COA3: variants seen among roughly 807,000 people sequenced by gnomAD.
The protein encoded by COA3 is cytochrome c oxidase assembly factor 3.
COA3 carries 10 observed loss-of-function variants against 10.1 expected under a neutral mutation model. The observed-to-expected ratio is 0.99, with a 90% CI of 0.61 to 1.67. COA3 has a LOEUF of 1.67. COA3 is among the 40% of genes most tolerant of loss of function. The pLI, the probability that COA3 is intolerant of heterozygous loss-of-function variation, is 0.00. For missense variants in COA3, 142 were observed against 140.7 expected, an observed-to-expected ratio of 1.01 and a Z score of -0.05; for synonymous variants, 57 against 63.1, an observed-to-expected ratio of 0.90 and a Z score of 0.46.
At chr17:42,798,380 A>C in intron 1 of COA3, 88 bp downstream of exon 1, 3 of 1,359,988 alleles carry the variant, frequency 2.2e-6, no homozygotes, top group Non-Finnish European at 3.1e-6. Context: ...TTTTACCCCA[A>C]AATTAAACGG....
rs746744450 is a variant in COA3 at position 42,798,582 on chromosome 17, G to T, written c.100C>A (p.Gln34Lys). The change falls in exon 1 of 2, where the codon CAA becomes AAA. Residue 34 changes from glutamine (Q) to lysine (K), a missense_variant. Transcript: ENST00000328434. ...DPTREKLTPEQLHSMRQAELA... is the reference protein window; with the variant it reads ...DPTREKLTPEKLHSMRQAELA... ...TCCGCCTGCCGCATGGAATGCAGTT[G>T]CTCGGGTGTCAGCTTCTCCCGAGTC... 9 of 1,614,174 alleles carry T rather than the reference G, an allele frequency of 5.6e-6. No homozygotes were observed. Among genetic ancestry groups the T allele is most frequent in the Admixed American group, 3.3e-5 (2 of 60,032 alleles).
Position 42,798,610 on chromosome 17 carries a change from G to A in COA3, c.72C>T (p.Asp24=). The A allele has an allele frequency of 1.9e-6, 3 of 1,614,186 alleles. No homozygotes were observed. The highest frequency in any genetic ancestry group is 2.5e-6 in the Non-Finnish European group (3 of 1,180,042). The change falls in exon 1 of 2, where the codon GAC becomes GAT. Residue 24 remains aspartate, a synonymous_variant. Transcript: ENST00000328434. ...CGGGTGTCAGCTTCTCCCGAGTCGG[G>A]TCGATACGCTGAGCGAACGGGGCCT... The part of the protein sequence containing the change: ...RGEAPFAQRI[D]PTREKLTPEQ...
rs2054713040 is a variant in COA3, at chr17:42,798,522, G to T, written c.160C>A (p.Arg54=). 1 of 1,613,920 alleles carries T rather than the reference G, an allele frequency of 6.2e-7. No individual in the cohort carries two copies. Among genetic ancestry groups the T allele is most frequent in the East Asian group, 2.2e-5 (1 of 44,890 alleles). The stretch of plus-strand genomic sequence containing the variant: ...AGGCCGGTCACGATGTTCCGGGTTC[G>T]CCGCCGTGGTAGGACCTTCTGCCAC... The part of the protein sequence containing the change: ...AQWQKVLPRR[R]TRNIVTGLGI... Residue 54 remains arginine, a synonymous_variant, in exon 1 of 2, where the codon CGA becomes AGA. Transcript: ENST00000328434.
chr17:42,798,336 G>A (rs2054709677), intron 1 of COA3, 132 bp downstream of exon 1: 1 of 1,003,522 alleles, frequency 1.0e-6, no homozygotes, highest in South Asian at 1.5e-5. Context: ...AATTAAAAGA[G>A]TACCTTAGGA....
Position 42,798,619 on chromosome 17 carries a change from C to G in COA3, c.63G>C (p.Gln21His), listed in dbSNP as rs1467681718. 6 of 1,614,078 alleles carry G rather than the reference C, an allele frequency of 3.7e-6. No individual in the cohort carries two copies. The highest frequency in any genetic ancestry group is 5.1e-6 in the Non-Finnish European group (6 of 1,180,046). Residue 21 changes from glutamine to histidine, a missense_variant, in exon 1 of 2, where the codon CAG becomes CAC. Physicochemically the swap from Gln to His is conservative, Grantham distance 24 (BLOSUM62 0). Transcript: ENST00000328434. ...GCTTCTCCCGAGTCGGGTCGATACG[C>G]TGAGCGAACGGGGCCTCTCCACGCT... ...DSKRGEAPFA[Q>H]RIDPTREKLT...
At position 42,798,576 on chromosome 17, in the gene COA3, G is replaced by A. The variant is rs1430044397; in HGVS notation, c.106C>T (p.His36Tyr). 6.2e-7 allele frequency: 1 copy of A among 1,614,188 alleles called. No homozygotes were observed. Among genetic ancestry groups the A allele is most frequent in the South Asian group, 1.1e-5 (1 of 91,086 alleles). Reference protein sequence around the residue: ...TREKLTPEQLHSMRQAELAQW... With the variant: ...TREKLTPEQLYSMRQAELAQW... Reference sequence around the variant, plus strand: ...GCAAGCTCCGCCTGCCGCATGGAATGCAGTTGCTCGGGTGTCAGCTTCTCC... The same window carrying A: ...GCAAGCTCCGCCTGCCGCATGGAATACAGTTGCTCGGGTGTCAGCTTCTCC... The change falls in exon 1 of 2, where the codon CAT becomes TAT. Residue 36 changes from histidine to tyrosine, a missense_variant. Physicochemically the swap from His to Tyr is moderately conservative, Grantham distance 83. Coordinates refer to ENST00000328434, the MANE Select transcript of COA3 (RefSeq NM_001040431.3).
chr17:42,798,207 A>G lies in COA3; in HGVS notation c.215-40T>C, dbSNP rs774136755. The G allele has an allele frequency of 1.1e-5, 15 of 1,387,830 alleles. No individual in the cohort carries two copies. The East Asian group carries it at 2.3e-4, about 21-fold the overall frequency. The allele number at this position is 1,387,830 out of a possible 1,614,324, so 86.0% of individuals were successfully genotyped here. A position where few individuals can be genotyped will look rare whatever the true frequency, so the allele number is the denominator to read the frequency against. On this transcript the variant is annotated intron_variant, in intron 1 of 1. Coordinates refer to ENST00000328434, the MANE Select transcript of COA3 (RefSeq NM_001040431.3). ...TCAGGAAACCACACAGAATATGCAC[A>G]TTCCCCTTTCCTAGATTTGCTCTAC...
chr17:42,798,069 C>T lies in COA3; in HGVS notation c.313G>A (p.Gly105Arg). 6.2e-7 allele frequency: 1 copy of T among 1,613,828 alleles called. No homozygotes were observed. Among genetic ancestry groups the T allele is most frequent in the Non-Finnish European group, 8.5e-7 (1 of 1,179,754 alleles). Residue 105 changes from glycine to arginine, a missense_variant, in exon 2 of 2, where the codon GGG becomes AGG. Physicochemically the swap from Gly to Arg is moderately radical, Grantham distance 125. Transcript: ENST00000328434. The stretch of plus-strand genomic sequence containing the variant: ...ATCAATACCCATCCAGATTAGGACC[C>T]TGACGCCCTTGCCAGAGCTCGGGCT... ...ARARALARASGS is the reference protein window; with the variant it reads ...ARARALARASRS
Position 42,797,891 on chromosome 17 carries a change from G to T in COA3, c.*170C>A. On this transcript the variant is annotated 3_prime_UTR_variant, in exon 2 of 2. Transcript: ENST00000328434. ...GCAGTGGGCAAAGTTCTGTTCTTTT[G>T]ACATTGGCCAAATGCGTAAGTCCCT... The T allele has an allele frequency of 1.7e-6, 1 of 573,386 alleles. No homozygotes were observed. The allele number at this position is 573,386 out of a possible 1,614,324, so 35.5% of individuals were successfully genotyped here. A position where few individuals can be genotyped will look rare whatever the true frequency, so the allele number is the denominator to read the frequency against.
Position 42,798,559 on chromosome 17 carries a change from C to A in COA3, c.123G>T (p.Ala41=). The A allele has an allele frequency of 6.2e-7, 1 of 1,613,996 alleles. No homozygotes were observed. ...TPEQLHSMRQ[A]ELAQWQKVLP... ...GGACCTTCTGCCACTGGGCAAGCTC[C>A]GCCTGCCGCATGGAATGCAGTTGCT... is the stretch of plus-strand genomic sequence containing the variant. The change falls in exon 1 of 2, where the codon GCG becomes GCT. Residue 41 remains alanine, a synonymous_variant. Coordinates refer to ENST00000328434, the MANE Select transcript of COA3 (RefSeq NM_001040431.3).
Position 42,798,321 on chromosome 17 carries a change from A to C in COA3, c.214+147T>G, listed in dbSNP as rs934807547. ...AACCCCAATTCCGTTATTATTAATA[A>C]ATCAAATTAAAAGAGTACCTTAGGA... is the stretch of plus-strand genomic sequence containing the variant. On this transcript the variant is annotated intron_variant, in intron 1 of 1. Coordinates refer to ENST00000328434, the MANE Select transcript of COA3 (RefSeq NM_001040431.3). The C allele has an allele frequency of 7.3e-6, 7 of 959,380 alleles. No individual in the cohort carries two copies. In the African/African-American group the frequency reaches 1.2e-4, roughly 16 times the overall value. The allele number at this position is 959,380 out of a possible 1,614,324, so 59.4% of individuals were successfully genotyped here.
At position 42,798,691 on chromosome 17, in the gene COA3, C is replaced by T. The variant is rs547475693; in HGVS notation, c.-10G>A. 2 of 1,608,080 alleles carry T rather than the reference C, an allele frequency of 1.2e-6. No homozygotes were observed. The highest frequency in any genetic ancestry group is 1.3e-5 in the African/African-American group (1 of 74,948). ...CTCCCGAAGACGCCATGTTGCCACT[C>T]CTCCCTTCGCGGTGCCGCCGCGCGG... On this transcript the variant is annotated 5_prime_UTR_variant, in exon 1 of 2. Transcript: ENST00000328434.
rs61757400 is a variant in COA3, at chr17:42,797,924, T to C, written c.*137A>G. On this transcript the variant is annotated 3_prime_UTR_variant, in exon 2 of 2. Transcript: ENST00000328434. ...CCAAATGCGTAAGTCCCTGGTTTCT[T>C]GGGCTCAATCACGGTCCAAGGTTAG... 1,083 of 623,622 alleles carry C rather than the reference T, an allele frequency of 1.7e-3. 8 individuals carry two copies. Among genetic ancestry groups the C allele is most frequent in the South Asian group, 4.4e-3 (211 of 47,748 alleles). The allele number at this position is 623,622 out of a possible 1,614,324, so 38.6% of individuals were successfully genotyped here.
intron 1 of COA3, 108 bp from the exon 2 acceptor site, chr17:42,798,275 C>T: frequency 1.0e-6 from 1 of 982,912 alleles, no homozygotes; most frequent in Non-Finnish European, 1.6e-6. Flanking sequence ...GGCTTCCCGC[C>T]GCTGCTGTTT....
chr17:42,798,363 C>A, intron 1 of COA3, 105 bp downstream of exon 1: 1 of 1,143,150 alleles, frequency 8.7e-7, no homozygotes, highest in Non-Finnish European at 1.3e-6. Context: ...AAGGAAAGTA[C>A]TACCCATTTT....
chr17:42,798,017 T>C lies in COA3; in HGVS notation c.*44A>G. 7.5e-7 allele frequency: 1 copy of C among 1,334,168 alleles called. No homozygotes were observed. Among genetic ancestry groups the C allele is most frequent in the South Asian group, 1.2e-5 (1 of 84,080 alleles). 82.6% of individuals were successfully genotyped at this position (1,334,168 alleles called of 1,614,324 possible). A position where few individuals can be genotyped will look rare whatever the true frequency, so the allele number is the denominator to read the frequency against. ...GGGTCATGGGGCATCATCCACCATG[T>C]GAAGGGGCTCCAGCAGGTTGGACAT... On this transcript the variant is annotated 3_prime_UTR_variant, in exon 2 of 2. Transcript: ENST00000328434.
chr17:42,798,690 T>G lies in COA3; in HGVS notation c.-9A>C, dbSNP rs201424419. 22 of 1,608,222 alleles carry G rather than the reference T, an allele frequency of 1.4e-5. No individual in the cohort carries two copies. Among genetic ancestry groups the G allele is most frequent in the African/African-American group, 2.7e-5 (2 of 74,932 alleles). On this transcript the variant is annotated 5_prime_UTR_variant, in exon 1 of 2. Coordinates refer to ENST00000328434, the MANE Select transcript of COA3 (RefSeq NM_001040431.3). ...GCTCCCGAAGACGCCATGTTGCCAC[T>G]CCTCCCTTCGCGGTGCCGCCGCGCG...
chr17:42,797,782 G>A lies in COA3; in HGVS notation c.*279C>T. The A allele has an allele frequency of 3.1e-6, 1 of 322,822 alleles. No individual in the cohort carries two copies. The highest frequency in any genetic ancestry group is 5.7e-6 in the Non-Finnish European group (1 of 174,452). The allele number at this position is 322,822 out of a possible 1,614,324, so 20.0% of individuals were successfully genotyped here. A position where few individuals can be genotyped will look rare whatever the true frequency, so the allele number is the denominator to read the frequency against. On this transcript the variant is annotated 3_prime_UTR_variant, in exon 2 of 2. Transcript: ENST00000328434. Reference sequence around the variant, plus strand: ...GGTAAACCACAAAGTCAGAAACTTTGGGAAAAGCCACGGTCGCATGCACAC... The same window carrying A: ...GGTAAACCACAAAGTCAGAAACTTTAGGAAAAGCCACGGTCGCATGCACAC...
At position 42,798,308 on chromosome 17, in the gene COA3, GTTA is replaced by G. The variant is rs1349844241; in HGVS notation, c.215-144_215-142del. 3 of 938,504 alleles carry G rather than the reference GTTA, an allele frequency of 3.2e-6. No homozygotes were observed. In the East Asian group the frequency reaches 7.7e-5, roughly 24 times the overall value. 58.1% of individuals were successfully genotyped at this position (938,504 alleles called of 1,614,324 possible). On this transcript the variant is annotated intron_variant, in intron 1 of 1. Coordinates refer to ENST00000328434, the MANE Select transcript of COA3 (RefSeq NM_001040431.3). Reference sequence around the variant, plus strand: ...TTTCTAAACCCTGAACCCCAATTCCGTTATTATTAATAAATCAAATTAAAAGAG... The same window carrying G: ...TTTCTAAACCCTGAACCCCAATTCCGTTATTAATAAATCAAATTAAAAGAG...
Sources: gnomAD v4.1 joint callset for allele counts on GRCh38, gnomAD v4.1.1 for gene constraint, MANE v1.5 for transcripts, NCBI Gene and HGNC (gene_info 2026-07-23, HGNC 2026-07-21) for gene names.